Variants in TRPM3 observed in about 807,000 individuals in gnomAD.
The protein encoded by TRPM3 is transient receptor potential cation channel subfamily M member 3, also known as long transient receptor potential channel 3.
A neutral mutation model predicts 181.2 loss-of-function variants in TRPM3; 77 were observed. That is an observed-to-expected ratio of 0.42 (90% CI 0.35 to 0.51). The LOEUF (loss-of-function observed/expected upper bound fraction) is 0.51. Among genes scored for constraint, TRPM3 ranks in the 20% least tolerant of loss-of-function variants. The probability of loss-of-function intolerance (pLI) is 0.01; values close to 1 mark genes in which losing one functional copy is unlikely to be tolerated. For missense variants in TRPM3, 1,759 were observed against 2,196.7 expected (o/e 0.80, Z 3.98); for synonymous variants, 745 against 796.4 (o/e 0.94, Z 1.09).
chr9:70,765,935 G>A (rs1218521559), intron 7 of TRPM3, among the ~76,000 whole-genome samples: 3 of 152,048 alleles, frequency 2.0e-5, no homozygotes, highest in Non-Finnish European at 2.9e-5. Flanking sequence ...ATCAAAATAC[G>A]GTCATAGTAT....
intron 1 of TRPM3, among the ~76,000 whole-genome samples, chr9:70,974,400 G>C (rs1172073076): frequency 8.6e-6 from 1 of 115,908 alleles, no homozygotes; most frequent in Non-Finnish European, 1.9e-5. Flanking sequence ...TTAGCCGCGC[G>C]TGGTGGCGGG....
intron 1 of TRPM3, among the ~76,000 whole-genome samples, chr9:71,445,008 T>A (rs1243800133): frequency 6.6e-6 from 1 of 152,238 alleles, no homozygotes; most frequent in Non-Finnish European, 1.5e-5. Context: ...TACAGCACCA[T>A]CATCACCCTT....
intron 1 of TRPM3, among the ~76,000 whole-genome samples, chr9:71,252,826 C>A (rs2082425721): frequency 6.8e-6 from 1 of 147,064 alleles, no homozygotes; most frequent in South Asian, 2.2e-4. Flanking sequence ...GCATGCACAC[C>A]TCGCCTGGCT....
chr9:71,083,233 A>G (rs189372514), intron 1 of TRPM3, among the ~76,000 whole-genome samples: 1 of 152,238 alleles, frequency 6.6e-6, no homozygotes, highest in Admixed American at 6.6e-5. Flanking sequence ...AATGATAACT[A>G]CCATTTATTG....
chr9:71,041,110 G>A (rs973159882), intron 1 of TRPM3, among the ~76,000 whole-genome samples: 3 of 152,196 alleles, frequency 2.0e-5, no homozygotes, highest in African/African-American at 7.2e-5. Context: ...TTAGGAAAGA[G>A]AATATCCTTG....
At chr9:71,335,995 T>C (rs2090530156) in intron 1 of TRPM3, among the ~76,000 whole-genome samples, 1 of 152,040 alleles carries the variant, frequency 6.6e-6, no homozygotes, top group Non-Finnish European at 1.5e-5. Flanking sequence ...TCCTCCAGCC[T>C]ACCAATCAAT....
intron 1 of TRPM3, among the ~76,000 whole-genome samples, chr9:71,151,360 G>A (rs1455070473): frequency 2.6e-5 from 4 of 152,084 alleles, no homozygotes; most frequent in African/African-American, 9.6e-5. Context: ...CATAGAAAAT[G>A]AAATGTAAAT....
chr9:71,412,676 G>T (rs914816060), intron 1 of TRPM3, among the ~76,000 whole-genome samples: 2 of 152,140 alleles, frequency 1.3e-5, no homozygotes, highest in Non-Finnish European at 2.9e-5. Flanking sequence ...CAACCACTGG[G>T]GAAGACAGTG....
rs1589430770 is a variant in TRPM3 at position 70,871,456 on chromosome 9, T to G, written c.178-6945A>C. Among the ~76,000 whole-genome samples the G allele has an allele frequency of 2.0e-5, 3 of 152,014 alleles. No homozygotes were observed. In the East Asian group the frequency reaches 5.8e-4, roughly 29 times the overall value. Reference sequence around the variant, plus strand: ...TTTTCCCTTTATAAAGATAAATAACTATTCAATAGAGAATAGAATAAGAGG... The same window carrying G: ...TTTTCCCTTTATAAAGATAAATAACGATTCAATAGAGAATAGAATAAGAGG... On this transcript the variant is annotated intron_variant, in intron 1 of 25. Coordinates refer to ENST00000677713, the MANE Select transcript of TRPM3 (RefSeq NM_001366145.2).
intron 1 of TRPM3, among the ~76,000 whole-genome samples, chr9:71,172,443 TCA>T (rs1482110301): frequency 6.6e-6 from 1 of 152,010 alleles, no homozygotes; most frequent in Non-Finnish European, 1.5e-5. Flanking sequence ...TCTTGCTCTT[TCA>T]CCCAAGCTGG....
rs1034610954 is a variant in TRPM3 at position 70,751,044 on chromosome 9, T to C, written c.1272+10557A>G. 3.3e-5 allele frequency among the ~76,000 whole-genome samples: 5 copies of C among 152,112 alleles called. No individual in the cohort carries two copies. In the South Asian group the frequency reaches 8.3e-4, roughly 25 times the overall value. On this transcript the variant is annotated intron_variant, in intron 8 of 25. Transcript: ENST00000677713. Reference sequence around the variant, plus strand: ...GACTTAGCAATTGAGACTATCTTACTGAATAAATGAATGAAATTTAAAATG... The same window carrying C: ...GACTTAGCAATTGAGACTATCTTACCGAATAAATGAATGAAATTTAAAATG...
chr9:71,407,035 T>C (rs1045400036), intron 1 of TRPM3, among the ~76,000 whole-genome samples: 5 of 152,278 alleles, frequency 3.3e-5, no homozygotes, highest in Non-Finnish European at 7.4e-5. Context: ...TTCACCAAAT[T>C]GGCTATTTTC....
At chr9:71,169,162 A>G (rs778093955) in intron 1 of TRPM3, among the ~76,000 whole-genome samples, 3 of 152,198 alleles carry the variant, frequency 2.0e-5, no homozygotes, top group Non-Finnish European at 4.4e-5. Flanking sequence ...AAAGTGAATC[A>G]TCTGTTGCTC....
chr9:70,569,958 T>TC (rs2051747322), intron 22 of TRPM3, among the ~76,000 whole-genome samples: 1 of 152,236 alleles, frequency 6.6e-6, no homozygotes, highest in Non-Finnish European at 1.5e-5. Context: ...TGGAATGGAC[T>TC]CCAACTGTTG....
Position 70,602,350 on chromosome 9 carries a change from G to C in TRPM3, c.2796+992C>G, listed in dbSNP as rs116103745. On this transcript the variant is annotated intron_variant, in intron 20 of 25. Coordinates refer to ENST00000677713, the MANE Select transcript of TRPM3 (RefSeq NM_001366145.2). ...AGCTGAAACCCTTGCCTTTTAACCT[G>C]TCTTTGTAATGAAGGCAAGAATGAA... Among the ~76,000 whole-genome samples the C allele has an allele frequency of 7.8e-3, 1,182 of 152,210 alleles. 12 individuals carry two copies. Among genetic ancestry groups the C allele is most frequent in the African/African-American group, 0.027 (1,123 of 41,524 alleles).
upstream of TRPM3, among the ~76,000 whole-genome samples, chr9:71,123,377 G>T (rs540575215): frequency 6.6e-6 from 1 of 152,140 alleles, no homozygotes; most frequent in Non-Finnish European, 1.5e-5. Context: ...GGAGATTTAC[G>T]TACCTTCTTT....
chr9:71,064,473 C>G (rs72731763), intron 1 of TRPM3, among the ~76,000 whole-genome samples: 9,709 of 151,224 alleles, frequency 0.064, 342 homozygotes, highest in Middle Eastern at 0.099. Context: ...TTCAGTAGAC[C>G]AGTAGACTAT....
rs549735655 is a variant in TRPM3, at chr9:70,941,489, C to T, written c.178-76978G>A. Among the ~76,000 whole-genome samples the T allele has an allele frequency of 9.9e-5, 15 of 152,284 alleles. 1 individual carries two copies. Among genetic ancestry groups the T allele is most frequent in the Middle Eastern group, 3.4e-3 (1 of 294 alleles). ...GCTTCCTTGCTCCTCAGCATGCAGA[C>T]GGCCTATTATGGGGCTTCGCTTTGT... On this transcript the variant is annotated intron_variant, in intron 1 of 25. Transcript: ENST00000677713.
At chr9:70,566,429 C>T (rs1013067160) in intron 22 of TRPM3, among the ~76,000 whole-genome samples, 3 of 151,924 alleles carry the variant, frequency 2.0e-5, no homozygotes, top group South Asian at 2.1e-4. Flanking sequence ...GAAAGAGCAC[C>T]GAGAGGTGGG....
Sources: gnomAD v4.1 joint callset for allele counts (sites outside exome capture counted in the v4.1 genomes callset) on GRCh38, gnomAD v4.1.1 for gene constraint, MANE v1.5 for transcripts, NCBI Gene and HGNC (gene_info 2026-07-23, HGNC 2026-07-21) for gene names.